Variants in GABBR2 observed in about 807,000 individuals in gnomAD.
GABBR2 encodes the protein G-protein coupled receptor 51.
GABBR2 carries 23 observed loss-of-function variants against 105.6 expected under a neutral mutation model. The ratio of observed to expected loss-of-function variants is 0.22; its 90% confidence interval spans 0.16 to 0.31. GABBR2 has a LOEUF of 0.31. Among genes scored for constraint, GABBR2 ranks in the 10% least tolerant of loss-of-function variants. The pLI, the probability that GABBR2 is intolerant of heterozygous loss-of-function variation, is 1.00. For missense variants in GABBR2, 734 were observed against 1,245.5 expected (o/e 0.59, Z 6.18); for synonymous variants, 478 against 499.7 (o/e 0.96, Z 0.58).
intron 1 of GABBR2, among the ~76,000 whole-genome samples, chr9:98,663,734 G>A (rs1001059258): frequency 4.6e-5 from 7 of 150,728 alleles, no homozygotes; most frequent in African/African-American, 7.3e-5. Flanking sequence ...GAAAGCCTCC[G>A]TCTGAAGGAA....
intron 1 of GABBR2, among the ~76,000 whole-genome samples, chr9:98,646,706 G>A (rs545769171): frequency 1.3e-5 from 2 of 152,260 alleles, no homozygotes; most frequent in Admixed American, 6.5e-5. Flanking sequence ...TTCCTCATAT[G>A]TTACAACAGA....
chr9:98,666,449 T>G (rs1280367871), intron 1 of GABBR2, among the ~76,000 whole-genome samples: 1 of 152,238 alleles, frequency 6.6e-6, no homozygotes, highest in East Asian at 1.9e-4. Context: ...AAGAACTTAC[T>G]GTCATCATGG....
intron 1 of GABBR2, among the ~76,000 whole-genome samples, chr9:98,643,950 A>G (rs1476203819): frequency 3.9e-5 from 6 of 152,196 alleles, no homozygotes; most frequent in Non-Finnish European, 8.8e-5. Flanking sequence ...TCCGGGGGCT[A>G]GCCTTCCCCA....
intron 13 of GABBR2, among the ~76,000 whole-genome samples, chr9:98,315,836 A>G (rs972998147): frequency 1.1e-4 from 16 of 152,376 alleles, no homozygotes; most frequent in Non-Finnish European, 2.1e-4. Flanking sequence ...TGTCAGCAGC[A>G]TCTTGTGCTA....
At chr9:98,626,654 C>A (rs983934723) in intron 1 of GABBR2, among the ~76,000 whole-genome samples, 1 of 152,036 alleles carries the variant, frequency 6.6e-6, no homozygotes, top group East Asian at 1.9e-4. Flanking sequence ...TGTAAATAGC[C>A]GTACTTGAAA....
chr9:98,338,146 T>G (rs1402473592), intron 13 of GABBR2, among the ~76,000 whole-genome samples: 1 of 152,232 alleles, frequency 6.6e-6, no homozygotes, highest in Non-Finnish European at 1.5e-5. Context: ...TACCTAAATG[T>G]AAGAACAAAT....
intron 13 of GABBR2, among the ~76,000 whole-genome samples, chr9:98,358,043 C>T (rs966317410): frequency 6.6e-6 from 1 of 152,214 alleles, no homozygotes. Context: ...GGCTGTGGCT[C>T]ATTCATTCCC....
chr9:98,359,492 T>C lies in GABBR2; in HGVS notation c.1893+3223A>G, dbSNP rs868180248. Among the ~76,000 whole-genome samples, 27 of 152,088 alleles carry C rather than the reference T, an allele frequency of 1.8e-4. No homozygotes were observed. The South Asian group carries it at 2.7e-3, about 15-fold the overall frequency. ...TTTATGGCACAGAAATGAATAAGGA[T>C]GGGGGACTGGGCTGCCCCCAGTAGG... On this transcript the variant is annotated intron_variant, in intron 13 of 18. Coordinates refer to ENST00000259455, the MANE Select transcript of GABBR2 (RefSeq NM_005458.8).
intron 7 of GABBR2, among the ~76,000 whole-genome samples, chr9:98,449,813 T>G (rs560061393): frequency 6.6e-6 from 1 of 152,260 alleles, no homozygotes; most frequent in Non-Finnish European, 1.5e-5. Flanking sequence ...CTGAGACTTC[T>G]AAACCATGGA....
intron 13 of GABBR2, among the ~76,000 whole-genome samples, chr9:98,313,396 T>C (rs1490910149): frequency 6.6e-6 from 1 of 152,228 alleles, no homozygotes; most frequent in African/African-American, 2.4e-5. Context: ...TAAATCTGTC[T>C]GTCTGTCTGT....
chr9:98,658,327 C>T (rs1338218796), intron 1 of GABBR2, among the ~76,000 whole-genome samples: 2 of 152,156 alleles, frequency 1.3e-5, no homozygotes, highest in African/African-American at 4.8e-5. Flanking sequence ...CTGGGCATCC[C>T]TATTTATTTA....
chr9:98,358,070 C>T (rs72759656), intron 13 of GABBR2, among the ~76,000 whole-genome samples: 1,979 of 152,298 alleles, frequency 0.013, 24 homozygotes, highest in Non-Finnish European at 0.022. Flanking sequence ...GTATAGCCTT[C>T]CTTTCTTTGA....
chr9:98,501,227 T>C (rs1827394585), intron 3 of GABBR2, among the ~76,000 whole-genome samples: 1 of 145,210 alleles, frequency 6.9e-6, no homozygotes, highest in Non-Finnish European at 1.5e-5. Flanking sequence ...TGCAGCAGCA[T>C]GATCTGGGCT....
chr9:98,576,312 G>C (rs1222675906), intron 2 of GABBR2, among the ~76,000 whole-genome samples: 3 of 152,298 alleles, frequency 2.0e-5, no homozygotes, highest in South Asian at 4.2e-4. Flanking sequence ...GAATACACCA[G>C]GTCCTTTCCT....
chr9:98,519,316 G>A (rs1008324493), intron 3 of GABBR2, among the ~76,000 whole-genome samples: 4 of 152,224 alleles, frequency 2.6e-5, no homozygotes, highest in Non-Finnish European at 4.4e-5. Context: ...TTTCAAGGGG[G>A]AGGCTTGAGG....
intron 1 of GABBR2, among the ~76,000 whole-genome samples, chr9:98,679,162 C>A (rs946825068): frequency 1.3e-4 from 20 of 152,148 alleles, no homozygotes; most frequent in African/African-American, 4.6e-4. Context: ...GACTTCTGCC[C>A]AGTCCAGTCC....
chr9:98,393,184 A>G (rs571681874), intron 9 of GABBR2, among the ~76,000 whole-genome samples: 27 of 129,380 alleles, frequency 2.1e-4, no homozygotes, highest in African/African-American at 7.3e-4. Context: ...CCATCCATCC[A>G]TCTATCCATC....
intron 1 of GABBR2, among the ~76,000 whole-genome samples, chr9:98,592,764 A>G (rs1829164556): frequency 6.6e-6 from 1 of 152,220 alleles, no homozygotes; most frequent in Non-Finnish European, 1.5e-5. Flanking sequence ...AGCCAGGGAA[A>G]GTGAGGATAT....
intron 1 of GABBR2, among the ~76,000 whole-genome samples, chr9:98,651,907 T>TTTTATAA (rs1830113319): frequency 6.6e-6 from 1 of 152,202 alleles, no homozygotes; most frequent in Non-Finnish European, 1.5e-5. Context: ...GGTGTGATCA[T>TTTTATAA]GGTTTATAAG....
Sources: allele counts gnomAD v4.1 joint callset (sites outside exome capture counted in the v4.1 genomes callset), GRCh38; gene constraint gnomAD v4.1.1; transcripts MANE v1.5; gene names NCBI Gene and HGNC (gene_info 2026-07-23, HGNC 2026-07-21).